The following LDLRAD1 variants were observed in gnomAD, a reference collection of about 807,000 sequenced individuals.
LDLRAD1 encodes the protein low density lipoprotein receptor class A domain containing 1, also known as low-density lipoprotein receptor class A domain-containing protein 1.
Under a neutral mutation model 24.8 loss-of-function variants are expected in LDLRAD1, and 17 were observed. The ratio of observed to expected loss-of-function variants is 0.69; its 90% confidence interval spans 0.47 to 1.03. The LOEUF (loss-of-function observed/expected upper bound fraction) is 1.03. Among genes scored for constraint, LDLRAD1 ranks in the 50% least tolerant of loss-of-function variants. The probability of loss-of-function intolerance (pLI) is 0.00; values close to 1 mark genes in which losing one functional copy is unlikely to be tolerated. For synonymous variants in LDLRAD1, 103 were observed against 108.2 expected (o/e 0.95, Z 0.30); for missense variants, 277 against 271.0 (o/e 1.02, Z -0.16).
At chr1:54,017,904 T>C (rs1656380743) in intron 1 of LDLRAD1, among the ~76,000 whole-genome samples, 188 bp downstream of exon 1, 1 of 152,096 alleles carries the variant, frequency 6.6e-6, no homozygotes, top group South Asian at 2.1e-4. Flanking sequence ...ATGCCCACTC[T>C]CTACTGCCCA....
At chr1:54,014,439 G>A (rs1190819006) in intron 2 of LDLRAD1, 75 bp from the exon 3 acceptor site, 21 of 1,373,118 alleles carry the variant, frequency 1.5e-5, no homozygotes, top group East Asian at 5.0e-5. Context: ...CTCCCTCTCC[G>A]CCCTGCCCGC....
intron 2 of LDLRAD1, among the ~76,000 whole-genome samples, chr1:54,016,680 T>C (rs944153043): frequency 6.6e-6 from 1 of 152,110 alleles, no homozygotes; most frequent in African/African-American, 2.4e-5. Flanking sequence ...CCCTCCAACC[T>C]CCCTGCTGTG....
At chr1:54,011,295 A>G (rs2100247894) in intron 4 of LDLRAD1, among the ~76,000 whole-genome samples, 2 of 152,140 alleles carry the variant, frequency 1.3e-5, no homozygotes, top group East Asian at 3.9e-4. Flanking sequence ...AGTTGGAACC[A>G]ATCAGGGAGG....
At chr1:54,011,740 A>C (rs926622527) in intron 4 of LDLRAD1, among the ~76,000 whole-genome samples, 2 of 152,184 alleles carry the variant, frequency 1.3e-5, no homozygotes, top group Non-Finnish European at 2.9e-5. Context: ...AGAGGAGTTC[A>C]CAGTCTGATG....
At chr1:54,014,985 C>T (rs1048112622) in intron 2 of LDLRAD1, among the ~76,000 whole-genome samples, 1 of 152,186 alleles carries the variant, frequency 6.6e-6, no homozygotes, top group Non-Finnish European at 1.5e-5. Flanking sequence ...TCAGTTTCCT[C>T]ATGTGGAAAA....
Position 54,018,155 on chromosome 1 carries a change from G to T in LDLRAD1, c.-43C>A, listed in dbSNP as rs558352937. The T allele has an allele frequency of 1.9e-6, 3 of 1,611,932 alleles. No individual in the cohort carries two copies. The highest frequency in any genetic ancestry group is 2.5e-6 in the Non-Finnish European group (3 of 1,178,900). ...GCCCGACTGGGGCTGTGTGCAGAGA[G>T]CTCAGCACGGGTTCCCTGCATTGTC... On this transcript the variant is annotated 5_prime_UTR_variant, in exon 1 of 6. Transcript: ENST00000371360.
At chr1:54,011,906 T>C (rs994750569) in intron 4 of LDLRAD1, among the ~76,000 whole-genome samples, 2 of 152,086 alleles carry the variant, frequency 1.3e-5, no homozygotes, top group Non-Finnish European at 2.9e-5. Flanking sequence ...AACTCTGCCT[T>C]GAGGGATGAA....
chr1:54,014,257 C>G lies in LDLRAD1; in HGVS notation c.181G>C (p.Gly61Arg). 1 of 1,560,668 alleles carries G rather than the reference C, an allele frequency of 6.4e-7. No individual in the cohort carries two copies. The highest frequency in any genetic ancestry group is 8.7e-7 in the Non-Finnish European group (1 of 1,152,028). Residue 61 changes from glycine (G) to arginine (R), a missense_variant, in exon 3 of 6, where the codon GGA becomes CGA. By Grantham distance (125) the Gly-to-Arg change is moderately radical (BLOSUM62 -2). Coordinates refer to ENST00000371360, the MANE Select transcript of LDLRAD1 (RefSeq NM_001010978.4). ...AALIALVTILGLPSCTPGAQA... is the reference protein window; with the variant it reads ...AALIALVTILRLPSCTPGAQA... ...TGACCTGGGGTGCATGATGGGAGTC[C>G]AAGAATGGTGACCAAGGCGATGAGG...
chr1:54,015,780 C>T (rs753818793), intron 2 of LDLRAD1, among the ~76,000 whole-genome samples: 5 of 152,010 alleles, frequency 3.3e-5, no homozygotes, highest in East Asian at 1.9e-4. Flanking sequence ...CTCAGCCTCC[C>T]GAGTAGCTGG....
At chr1:54,017,568 C>G (rs1656363252) in intron 1 of LDLRAD1, 141 bp from the exon 2 acceptor site, 1 of 700,082 alleles carries the variant, frequency 1.4e-6, no homozygotes, top group Admixed American at 2.1e-5. Context: ...GCATCTCACG[C>G]CCCAGATGCA....
chr1:54,010,164 C>G, intron 5 of LDLRAD1, 118 bp downstream of exon 5: 2 of 1,210,996 alleles, frequency 1.7e-6, no homozygotes, highest in Non-Finnish European at 2.3e-6. Flanking sequence ...GTAGAAAACT[C>G]CTTCCTAGGA....
chr1:54,018,106 T>C lies in LDLRAD1; in HGVS notation c.7A>G (p.Lys3Glu), dbSNP rs1180309022. The C allele has an allele frequency of 6.2e-7, 1 of 1,613,474 alleles. No homozygotes were observed. Among genetic ancestry groups the C allele is most frequent in the Non-Finnish European group, 8.5e-7 (1 of 1,179,696 alleles). The change falls in exon 1 of 6, where the codon AAG becomes GAG. Residue 3 changes from lysine (K) to glutamate (E), a missense_variant. Lys to Glu is a moderately conservative substitution (Grantham distance 56). Coordinates refer to ENST00000371360, the MANE Select transcript of LDLRAD1 (RefSeq NM_001010978.4). ...ACAGCTCTCACCTGGGGGAAGACCT[T>C]GTTCATGTCTTCGGTTTCCTGCTGC... Reference protein sequence around the residue: MNKVFPQGENGYT... With the variant: MNEVFPQGENGYT...
At chr1:54,013,135 T>C (rs1656132908) in intron 3 of LDLRAD1, among the ~76,000 whole-genome samples, 1 of 151,990 alleles carries the variant, frequency 6.6e-6, no homozygotes, top group Non-Finnish European at 1.5e-5. Flanking sequence ...CATGAACACA[T>C]GCTCACACAC....
Position 54,014,245 on chromosome 1 carries a change from A to G in LDLRAD1, c.193T>C (p.Cys65Arg), listed in dbSNP as rs368717070. 4.0e-5 allele frequency: 62 copies of G among 1,564,770 alleles called. No individual in the cohort carries two copies. The highest frequency in any genetic ancestry group is 5.1e-5 in the Non-Finnish European group (59 of 1,154,388). Residue 65 changes from cysteine (C) to arginine (R), a missense_variant, in exon 3 of 6, where the codon TGC (cysteine) becomes CGC (arginine). Cys to Arg is a radical substitution (Grantham distance 180, BLOSUM62 -3). Coordinates refer to ENST00000371360, the MANE Select transcript of LDLRAD1 (RefSeq NM_001010978.4). Reference sequence around the variant, plus strand: ...TCTTGGCCGCCCTGACCTGGGGTGCATGATGGGAGTCCAAGAATGGTGACC... The same window carrying G: ...TCTTGGCCGCCCTGACCTGGGGTGCGTGATGGGAGTCCAAGAATGGTGACC... ...ALVTILGLPSCTPGAQACITL... is the reference protein window; with the variant it reads ...ALVTILGLPSRTPGAQACITL...
intron 5 of LDLRAD1, among the ~76,000 whole-genome samples, chr1:54,009,708 T>C (rs1003056600): frequency 6.6e-6 from 1 of 152,146 alleles, no homozygotes; most frequent in East Asian, 1.9e-4. Flanking sequence ...CTGAATCTGA[T>C]ACCAGGTGCG....
chr1:54,014,619 C>T (rs1378224280), intron 2 of LDLRAD1, among the ~76,000 whole-genome samples: 1 of 152,102 alleles, frequency 6.6e-6, no homozygotes, highest in Non-Finnish European at 1.5e-5. Flanking sequence ...GGACAGCCCT[C>T]CCCTCCCACC....
intron 2 of LDLRAD1, 85 bp from the exon 3 acceptor site, chr1:54,014,449 C>T: frequency 7.7e-7 from 1 of 1,298,392 alleles, no homozygotes; most frequent in Non-Finnish European, 1.1e-6. Context: ...GCCCTGCCCG[C>T]TGCAAGCAGC....
chr1:54,009,200 C>G, intron 5 of LDLRAD1, 70 bp from the exon 6 acceptor site: 2 of 1,498,516 alleles, frequency 1.3e-6, no homozygotes, highest in Non-Finnish European at 1.8e-6. Context: ...AGGGCACTCC[C>G]TAGTTCTGAA....
rs374942731 is a variant in LDLRAD1 at position 54,014,371 on chromosome 1, G to C, written c.74-7C>G. On this transcript the variant is annotated splice_region_variant and splice_polypyrimidine_tract_variant and intron_variant, in intron 2 of 5. Coordinates refer to ENST00000371360, the MANE Select transcript of LDLRAD1 (RefSeq NM_001010978.4). ...CAGAGGTGGCCGCCGCCTGCTGTGT[G>C]GGGGGGAAACAAGCCCGGGGGTGGT... 21 of 1,544,524 alleles carry C rather than the reference G, an allele frequency of 1.4e-5. No homozygotes were observed. The highest frequency in any genetic ancestry group is 5.9e-5 in the Admixed American group (3 of 50,826).
Sources: allele counts gnomAD v4.1 joint callset (sites outside exome capture counted in the v4.1 genomes callset), GRCh38; gene constraint gnomAD v4.1.1; transcripts MANE v1.5; gene names NCBI Gene and HGNC (gene_info 2026-07-23, HGNC 2026-07-21).